Variants in DENND10 observed in about 807,000 individuals in gnomAD.
DENND10 encodes DENN domain containing 10.
In DENND10, 24 loss-of-function variants were observed where a neutral mutation model predicts 43.6. That is an observed-to-expected ratio of 0.55 (90% CI 0.40 to 0.77). DENND10 has a LOEUF of 0.77. DENND10 is among the 30% of genes least tolerant of loss of function. DENND10 has a pLI of 0.00. For synonymous variants in DENND10, 125 were observed against 157.6 expected (o/e 0.79, Z 1.55); for missense variants, 303 against 429.9 (o/e 0.70, Z 2.61).
rs11198778 is a variant in DENND10, at chr10:119,111,589, A to G, written c.253-260A>G. ...CATTAAGTAGAAATGTACTTTTTTT[A>G]TATTTGAGTGAAGTATTTTTGATTT... On this transcript the variant is annotated intron_variant, in intron 2 of 8. Transcript: ENST00000361432. Among the ~76,000 whole-genome samples, 321 of 150,896 alleles carry G rather than the reference A, an allele frequency of 2.1e-3. 3 individuals carry two copies. The South Asian group carries it at 0.029, about 14-fold the overall frequency.
intron 1 of DENND10, among the ~76,000 whole-genome samples, 167 bp downstream of exon 1, chr10:119,104,364 T>G (rs1019960552): frequency 6.6e-6 from 1 of 151,460 alleles, no homozygotes; most frequent in African/African-American, 2.4e-5. Context: ...CCCGGCCTCC[T>G]TGGTGCAGGG....
chr10:119,117,591 C>T lies in DENND10; in HGVS notation c.405C>T (p.Cys135=), dbSNP rs772779787. ...TTGCAGTTCTCACAAAGGGGATATGCCAGAGTGAAGAAAACGGCTCTTTCC... is the reference window on the plus strand; with the variant it reads ...TTGCAGTTCTCACAAAGGGGATATGTCAGAGTGAAGAAAACGGCTCTTTCC... The part of the protein sequence containing the change: ...SYIAVLTKGI[C]QSEENGSFLS... The change falls in exon 4 of 9, where the codon TGC becomes TGT. Residue 135 remains cysteine, a synonymous_variant. Transcript: ENST00000361432. 8.1e-6 allele frequency: 13 copies of T among 1,613,936 alleles called. No individual in the cohort carries two copies. In the South Asian group the frequency reaches 1.3e-4, roughly 16 times the overall value.
intron 3 of DENND10, among the ~76,000 whole-genome samples, chr10:119,112,432 T>C (rs1411681560): frequency 6.6e-6 from 1 of 152,132 alleles, no homozygotes; most frequent in Non-Finnish European, 1.5e-5. Context: ...TTCATCTCCA[T>C]TGTTGAAAAA....
rs1303090656 is a variant in DENND10, at chr10:119,137,635, T to TTGA, written c.*989_*991dup. 1 of 163,386 alleles carries TTGA rather than the reference T, an allele frequency of 6.1e-6. No homozygotes were observed. Among genetic ancestry groups the TTGA allele is most frequent in the African/African-American group, 2.5e-5 (1 of 40,114 alleles). The allele number at this position is 163,386 out of a possible 1,614,324, so 10.1% of individuals were successfully genotyped here. A position where few individuals can be genotyped will look rare whatever the true frequency, so the allele number is the denominator to read the frequency against. On this transcript the variant is annotated 3_prime_UTR_variant, in exon 9 of 9. Transcript: ENST00000361432. ...GTACTTGTTAGTGTATTCATTCATA[T>TTGA]TGACTGTAAAGGATTATTTTTCACT...
At chr10:119,135,727 T>C (rs1846298872) in intron 8 of DENND10, among the ~76,000 whole-genome samples, 1 of 135,132 alleles carries the variant, frequency 7.4e-6, no homozygotes, top group Non-Finnish European at 1.5e-5. Context: ...GTGGTGATGG[T>C]TGTGCAACGC....
intron 6 of DENND10, among the ~76,000 whole-genome samples, chr10:119,129,202 G>T (rs1845969594): frequency 6.6e-6 from 1 of 152,190 alleles, no homozygotes; most frequent in Admixed American, 6.5e-5. Flanking sequence ...GGGAACATCA[G>T]TCAAGAGAGT....
chr10:119,136,350 C>T (rs1846358902), intron 8 of DENND10, 121 bp from the exon 9 acceptor site: 2 of 1,192,310 alleles, frequency 1.7e-6, no homozygotes, highest in Admixed American at 2.9e-5. Flanking sequence ...CATGAGCCAC[C>T]ACGCCAAGCT....
chr10:119,107,056 T>C (rs1274499063), intron 1 of DENND10, among the ~76,000 whole-genome samples: 2 of 147,800 alleles, frequency 1.4e-5, no homozygotes, highest in Admixed American at 1.4e-4. Flanking sequence ...ATTTAAAGAA[T>C]TATTCCGCCC....
At chr10:119,120,817 A>G (rs2133494281) in intron 5 of DENND10, among the ~76,000 whole-genome samples, 1 of 152,328 alleles carries the variant, frequency 6.6e-6, no homozygotes, top group Middle Eastern at 3.4e-3. Flanking sequence ...ATTTTCAAGG[A>G]CAGGCAGCTA....
chr10:119,114,769 T>G (rs1204457929), intron 3 of DENND10, among the ~76,000 whole-genome samples: 1 of 125,252 alleles, frequency 8.0e-6, no homozygotes, highest in Non-Finnish European at 1.7e-5. Flanking sequence ...TGTTTCTATT[T>G]TATAATTTTT....
chr10:119,128,405 C>T (rs1478081040), intron 6 of DENND10, among the ~76,000 whole-genome samples: 1 of 151,830 alleles, frequency 6.6e-6, no homozygotes, highest in Admixed American at 6.6e-5. Context: ...GTCAGGAGTT[C>T]GACACCAGTC....
At chr10:119,114,151 G>C (rs573167619) in intron 3 of DENND10, 1 of 152,112 alleles carries the variant, frequency 6.6e-6, no homozygotes, top group East Asian at 1.9e-4. Flanking sequence ...TTCTTCTCCC[G>C]TCACAGTGCA....
chr10:119,118,033 C>G (rs1307824862), intron 4 of DENND10, among the ~76,000 whole-genome samples: 1 of 151,902 alleles, frequency 6.6e-6, no homozygotes, highest in Non-Finnish European at 1.5e-5. Flanking sequence ...AATCCCCAAG[C>G]CAAAAACAGT....
At chr10:119,134,350 ATTT>A (rs71016544) in intron 8 of DENND10, 22 of 132,020 alleles carry the variant, frequency 1.7e-4, no homozygotes, top group African/African-American at 1.7e-4. Flanking sequence ...AGAAGACATG[ATTT>A]TTTTTTTTTT....
intron 8 of DENND10, chr10:119,134,887 A>G (rs10886400): frequency 1 from 151,815 of 152,296 alleles, 75,673 homozygotes; most frequent in East Asian, 1. Context: ...GGACTCGGCC[A>G]GGCCCGGTGG....
intron 6 of DENND10, 36 bp downstream of exon 6, chr10:119,123,605 C>CTTTT: frequency 7.4e-5 from 76 of 1,033,314 alleles, no homozygotes; most frequent in African/African-American, 1.4e-4. Flanking sequence ...AACTGTTTCA[C>CTTTT]TTTTTTTTTT....
Position 119,104,140 on chromosome 10 carries a change from A to AAGATGGCTGCGGCCGAGGT in DENND10, c.-2_17dup, listed in dbSNP as rs1164540849. 1 of 1,511,532 alleles carries AAGATGGCTGCGGCCGAGGT rather than the reference A, an allele frequency of 6.6e-7. No individual in the cohort carries two copies. Among genetic ancestry groups the AAGATGGCTGCGGCCGAGGT allele is most frequent in the African/African-American group, 1.4e-5 (1 of 69,300 alleles). 93.6% of individuals were successfully genotyped at this position (1,511,532 alleles called of 1,614,324 possible). A position where few individuals can be genotyped will look rare whatever the true frequency, so the allele number is the denominator to read the frequency against. On this transcript the variant is annotated 5_prime_UTR_variant, in exon 1 of 9. It adds an upstream start codon to the 5' untranslated region. Transcript: ENST00000361432. ...CCAGAGCTGCGCGCCGCGGCGGCGG[A>AAGATGGCTGCGGCCGAGGT]AGATGGCTGCGGCCGAGGTGGCGGA...
chr10:119,117,749 C>T (rs923991553), intron 4 of DENND10, 82 bp downstream of exon 4: 15 of 1,370,194 alleles, frequency 1.1e-5, no homozygotes, highest in South Asian at 8.8e-5. Context: ...GGGTGGATCA[C>T]GAGGTCAGGA....
intron 5 of DENND10, among the ~76,000 whole-genome samples, chr10:119,123,251 G>T (rs57834553): frequency 7.9e-5 from 12 of 152,078 alleles, no homozygotes; most frequent in African/African-American, 2.7e-4. Context: ...CCTGGGTGAC[G>T]AGTGAAACTC....
Sources: gnomAD v4.1 joint callset for allele counts (sites outside exome capture counted in the v4.1 genomes callset) on GRCh38, gnomAD v4.1.1 for gene constraint, MANE v1.5 for transcripts, NCBI Gene and HGNC (gene_info 2026-07-23, HGNC 2026-07-21) for gene names.